DOK6: variants seen among roughly 807,000 people sequenced by gnomAD.
The protein encoded by DOK6 is downstream of tyrosine kinase 6.
In DOK6, 22 loss-of-function variants were observed where a neutral mutation model predicts 44.0. The observed-to-expected ratio is 0.50, with a 90% CI of 0.36 to 0.71. DOK6 has a LOEUF of 0.71. Ranked by LOEUF, DOK6 falls within the 30% of genes least tolerant of loss-of-function variation. The pLI, the probability that DOK6 is intolerant of heterozygous loss-of-function variation, is 0.00. For synonymous variants in DOK6, 166 were observed against 145.5 expected (o/e 1.14, Z -1.01); for missense variants, 340 against 416.4 (o/e 0.82, Z 1.60).
At chr18:69,608,823 G>C (rs1370175781) in intron 3 of DOK6, among the ~76,000 whole-genome samples, 5 of 151,542 alleles carry the variant, frequency 3.3e-5, no homozygotes, top group Admixed American at 3.3e-4. Flanking sequence ...GGTGGCAGGC[G>C]CCTATAATCC....
At chr18:69,817,403 C>A (rs1272168021) in intron 7 of DOK6, among the ~76,000 whole-genome samples, 1 of 152,144 alleles carries the variant, frequency 6.6e-6, no homozygotes, top group Non-Finnish European at 1.5e-5. Context: ...TTGCTCTACT[C>A]AGATTGTCAT....
intron 2 of DOK6, among the ~76,000 whole-genome samples, chr18:69,580,757 C>A (rs1176938515): frequency 2.6e-5 from 4 of 151,978 alleles, no homozygotes; most frequent in Admixed American, 2.6e-4. Context: ...CTTATGGTGC[C>A]AGAACACTAG....
At position 69,702,155 on chromosome 18, in the gene DOK6, A is replaced by T. The variant is rs1175470154; in HGVS notation, c.599+3562A>T. On this transcript the variant is annotated intron_variant, in intron 5 of 7. Transcript: ENST00000382713. ...GTTGGTTTTTTTTTTTTTTTTTTTT[A>T]AATATCATTTGATTTGCCATCAAGA... Among the ~76,000 whole-genome samples, 411 of 84,118 alleles carry T rather than the reference A, an allele frequency of 4.9e-3. 8 individuals carry two copies. Among genetic ancestry groups the T allele is most frequent in the Admixed American group, 0.038 (317 of 8,330 alleles). The allele number at this position is 84,118 out of a possible 152,430, so 55.2% of individuals were successfully genotyped here.
intron 7 of DOK6, among the ~76,000 whole-genome samples, chr18:69,802,337 C>A (rs1980928019): frequency 6.6e-6 from 1 of 152,276 alleles, no homozygotes; most frequent in African/African-American, 2.4e-5. Flanking sequence ...CGCTCCTTGA[C>A]TGATAATGGA....
At chr18:69,485,468 G>A (rs569120963) in intron 1 of DOK6, among the ~76,000 whole-genome samples, 2 of 152,228 alleles carry the variant, frequency 1.3e-5, no homozygotes, top group African/African-American at 2.4e-5. Context: ...ACTCTGTCCC[G>A]TGGATGCAGA....
chr18:69,638,720 G>A (rs1317123571), intron 3 of DOK6, among the ~76,000 whole-genome samples: 3 of 151,984 alleles, frequency 2.0e-5, no homozygotes, highest in Non-Finnish European at 2.9e-5. Flanking sequence ...GTTCATTTGC[G>A]GTTCTTCAAT....
chr18:69,698,439 C>T lies in DOK6; in HGVS notation c.445C>T (p.Leu149=), dbSNP rs367557331. ...CGTGTATCTTATGCCTACACCAAAC[C>T]TGGATATTTATGGTGAATGCACAAT... The part of the protein sequence containing the change: ...FNVYLMPTPN[L]DIYGECTMQI... Residue 149 remains leucine (L), a synonymous_variant, in exon 5 of 8, where the codon CTG becomes TTG. Coordinates refer to ENST00000382713, the MANE Select transcript of DOK6 (RefSeq NM_152721.6). 1.7e-5 allele frequency: 28 copies of T among 1,613,458 alleles called. No individual in the cohort carries two copies. Among genetic ancestry groups the T allele is most frequent in the Non-Finnish European group, 2.2e-5 (26 of 1,179,758 alleles).
chr18:69,508,729 G>A (rs780661567), intron 1 of DOK6, among the ~76,000 whole-genome samples: 1 of 151,994 alleles, frequency 6.6e-6, no homozygotes, highest in Non-Finnish European at 1.5e-5. Context: ...GCATACTATA[G>A]CAGAGATATT....
intron 3 of DOK6, among the ~76,000 whole-genome samples, chr18:69,609,372 C>T (rs1171147586): frequency 6.6e-6 from 1 of 152,072 alleles, no homozygotes; most frequent in East Asian, 1.9e-4. Flanking sequence ...TGCAGATGGT[C>T]AACAGGTGTA....
At chr18:69,439,895 G>A (rs2122439820) in intron 1 of DOK6, among the ~76,000 whole-genome samples, 1 of 152,264 alleles carries the variant, frequency 6.6e-6, no homozygotes, top group South Asian at 2.1e-4. Context: ...TCTCAATTTG[G>A]ATAACTGTTT....
chr18:69,577,827 G>T (rs11872116), intron 2 of DOK6, among the ~76,000 whole-genome samples: 7,905 of 152,132 alleles, frequency 0.052, 687 homozygotes, highest in African/African-American at 0.18. Flanking sequence ...CTTGATTTTT[G>T]TAATAGTTGA....
chr18:69,597,107 T>C (rs1024899438), intron 2 of DOK6, among the ~76,000 whole-genome samples: 14 of 152,016 alleles, frequency 9.2e-5, no homozygotes, highest in African/African-American at 3.4e-4. Flanking sequence ...ATGTTGGGTT[T>C]GTAACATTTA....
intron 1 of DOK6, among the ~76,000 whole-genome samples, chr18:69,499,830 G>A (rs1485905707): frequency 6.6e-6 from 1 of 152,016 alleles, no homozygotes; most frequent in Non-Finnish European, 1.5e-5. Context: ...ATTCTTCTAG[G>A]TTTTCTTGAT....
chr18:69,678,866 CTT>C (rs35845152), intron 4 of DOK6, among the ~76,000 whole-genome samples: 66,024 of 151,758 alleles, frequency 0.44, 14,917 homozygotes, highest in East Asian at 0.74. Flanking sequence ...ATTGAGGAAA[CTT>C]GACATTATTT....
intron 1 of DOK6, among the ~76,000 whole-genome samples, chr18:69,465,864 T>G (rs1313812168): frequency 1.3e-5 from 2 of 152,200 alleles, no homozygotes; most frequent in African/African-American, 4.8e-5. Flanking sequence ...CTAATAAAGT[T>G]ATTCTATTGT....
At chr18:69,402,437 G>A (rs1273804856) in intron 1 of DOK6, among the ~76,000 whole-genome samples, 1 of 152,226 alleles carries the variant, frequency 6.6e-6, no homozygotes, top group East Asian at 1.9e-4. Context: ...AAAAAAGAAA[G>A]CAAAAGAAGG....
intron 1 of DOK6, among the ~76,000 whole-genome samples, chr18:69,510,439 T>A (rs1981334060): frequency 6.6e-6 from 1 of 152,220 alleles, no homozygotes; most frequent in Non-Finnish European, 1.5e-5. Context: ...ACTAATTGCC[T>A]TTAAGACACT....
chr18:69,540,967 A>T (rs1982252629), intron 1 of DOK6, among the ~76,000 whole-genome samples: 1 of 152,186 alleles, frequency 6.6e-6, no homozygotes, highest in Non-Finnish European at 1.5e-5. Flanking sequence ...ATTCGCCATT[A>T]AGTTTAATGC....
rs1568143520 is a variant in DOK6 at position 69,843,251 on chromosome 18, C to CGGA, written c.*1873_*1875dup. 1 of 152,206 alleles carries CGGA rather than the reference C, an allele frequency of 6.6e-6. No homozygotes were observed. The highest frequency in any genetic ancestry group is 1.5e-5 in the Non-Finnish European group (1 of 68,048). 9.4% of individuals were successfully genotyped at this position (152,206 alleles called of 1,614,324 possible). A position where few individuals can be genotyped will look rare whatever the true frequency, so the allele number is the denominator to read the frequency against. On this transcript the variant is annotated 3_prime_UTR_variant, in exon 8 of 8. Coordinates refer to ENST00000382713, the MANE Select transcript of DOK6 (RefSeq NM_152721.6). The stretch of plus-strand genomic sequence containing the variant: ...TGCACTGTGAATTTTGCTGACACAG[C>CGGA]GGAGGAGCAGATGACTGGTTCCTAC...
Sources: allele counts gnomAD v4.1 joint callset (sites outside exome capture counted in the v4.1 genomes callset), GRCh38; gene constraint gnomAD v4.1.1; transcripts MANE v1.5; gene names NCBI Gene and HGNC (gene_info 2026-07-23, HGNC 2026-07-21).